AGBL1: variants seen among roughly 807,000 people sequenced by gnomAD.
The protein encoded by AGBL1 is cytosolic carboxypeptidase 4.
Under a neutral mutation model 118.9 loss-of-function variants are expected in AGBL1, and 130 were observed. The ratio of observed to expected loss-of-function variants is 1.09; its 90% CI spans 0.95 to 1.26. AGBL1 has a LOEUF of 1.26. AGBL1 is among the 50% of genes most tolerant of loss of function. The probability of loss-of-function intolerance (pLI) is 0.00; values close to 1 mark genes in which losing one functional copy is unlikely to be tolerated. For missense variants in AGBL1, 1,584 were observed against 1,298.1 expected (o/e 1.22, Z -3.38); for synonymous variants, 555 against 478.9 (o/e 1.16, Z -2.08).
chr15:86,857,732 G>A (rs1011881607), intron 22 of AGBL1, among the ~76,000 whole-genome samples: 1 of 152,150 alleles, frequency 6.6e-6, no homozygotes, highest in Non-Finnish European at 1.5e-5. Flanking sequence ...GGGCAAGGAC[G>A]GTGTCCGTCT....
intron 7 of AGBL1, among the ~76,000 whole-genome samples, chr15:86,256,035 G>T (rs1388239981): frequency 6.6e-6 from 1 of 152,102 alleles, no homozygotes; most frequent in Non-Finnish European, 1.5e-5. Flanking sequence ...ATAGCAAACT[G>T]GGGGACCCCA....
intron 23 of AGBL1, among the ~76,000 whole-genome samples, chr15:86,923,541 ATGAACGC>A (rs1315860227): frequency 3.3e-5 from 5 of 152,164 alleles, no homozygotes; most frequent in African/African-American, 1.2e-4. Flanking sequence ...GCTTCTATCC[ATGAACGC>A]TTAAAGCATT....
intron 2 of AGBL1, among the ~76,000 whole-genome samples, chr15:86,142,623 C>T (rs149139698): frequency 6.6e-6 from 1 of 152,318 alleles, no homozygotes; most frequent in Non-Finnish European, 1.5e-5. Context: ...AATATTAACA[C>T]TGAACAGGCA....
intron 22 of AGBL1, among the ~76,000 whole-genome samples, chr15:86,711,941 A>G (rs986334687): frequency 6.6e-6 from 1 of 152,108 alleles, no homozygotes; most frequent in African/African-American, 2.4e-5. Context: ...AGGTGCTTTC[A>G]TTTGCTCTCT....
intron 21 of AGBL1, among the ~76,000 whole-genome samples, chr15:86,605,213 A>G (rs2084558057): frequency 6.6e-6 from 1 of 152,178 alleles, no homozygotes; most frequent in Non-Finnish European, 1.5e-5. Context: ...TACAGCTAAC[A>G]TTCCTTCAGC....
At chr15:86,084,619 T>C (rs577107799) in intron 1 of AGBL1, among the ~76,000 whole-genome samples, 11 of 152,330 alleles carry the variant, frequency 7.2e-5, no homozygotes, top group Middle Eastern at 3.4e-3. Flanking sequence ...TTTGAGGATA[T>C]TACCTTCATC....
intron 5 of AGBL1, among the ~76,000 whole-genome samples, chr15:86,177,663 G>A (rs1290440463): frequency 6.6e-6 from 1 of 152,102 alleles, no homozygotes; most frequent in Non-Finnish European, 1.5e-5. Context: ...CCCAAAATTT[G>A]AAAATTAAAT....
chr15:86,716,711 C>A (rs1045332401), intron 22 of AGBL1, among the ~76,000 whole-genome samples: 7 of 152,210 alleles, frequency 4.6e-5, no homozygotes, highest in African/African-American at 1.7e-4. Flanking sequence ...TAGATGTCAA[C>A]TATCCCAAAG....
At chr15:86,168,623 G>C (rs72750300) in intron 5 of AGBL1, among the ~76,000 whole-genome samples, 1 of 151,972 alleles carries the variant, frequency 6.6e-6, no homozygotes, top group Non-Finnish European at 1.5e-5. Context: ...ATATTATGAA[G>C]CAACACACAA....
chr15:86,084,776 T>G (rs1295965366), intron 1 of AGBL1, among the ~76,000 whole-genome samples: 1 of 152,206 alleles, frequency 6.6e-6, no homozygotes, highest in Non-Finnish European at 1.5e-5. Context: ...TTGGGTCAAC[T>G]GGATGTTTTC....
chr15:86,970,373 G>T (rs1292790289), intron 23 of AGBL1, among the ~76,000 whole-genome samples: 1 of 151,898 alleles, frequency 6.6e-6, no homozygotes, highest in African/African-American at 2.4e-5. Flanking sequence ...TTTATGAATT[G>T]CCAATTGTAT....
At chr15:86,976,568 G>C (rs1223177422) in intron 23 of AGBL1, among the ~76,000 whole-genome samples, 1 of 151,844 alleles carries the variant, frequency 6.6e-6, no homozygotes, top group Admixed American at 6.6e-5. Context: ...TCTAAATGTG[G>C]CATTACTGAG....
chr15:86,457,586 G>A (rs1316800076), intron 18 of AGBL1, among the ~76,000 whole-genome samples: 2 of 152,154 alleles, frequency 1.3e-5, no homozygotes, highest in African/African-American at 2.4e-5. Flanking sequence ...TGTCCCCACT[G>A]TGCTTTAAGC....
intron 22 of AGBL1, among the ~76,000 whole-genome samples, chr15:86,703,780 A>T (rs1242680887): frequency 6.6e-6 from 1 of 152,112 alleles, no homozygotes; most frequent in African/African-American, 2.4e-5. Flanking sequence ...CTTCCCCTAC[A>T]CCTTCCACCA....
rs540051810 is a variant in AGBL1 at position 86,331,599 on chromosome 15, GACTTCAC to G, written c.2374+36193_2374+36199del. On this transcript the variant is annotated intron_variant, in intron 17 of 22. Transcript: ENST00000614907. ...AGGGAACCCTATCAAGCTAACAGCA[GACTTCAC>G]AGCAGAAACTTTACAAGCCAGCAGA... Among the ~76,000 whole-genome samples, 121 of 152,342 alleles carry G rather than the reference GACTTCAC, an allele frequency of 7.9e-4. 2 individuals are homozygous for G. In the South Asian group the frequency reaches 0.023, roughly 29 times the overall value.
chr15:86,481,692 T>G (rs988534006), intron 18 of AGBL1, among the ~76,000 whole-genome samples: 11 of 152,148 alleles, frequency 7.2e-5, no homozygotes, highest in Non-Finnish European at 1.2e-4. Context: ...TCAGTATTAA[T>G]TCCTATAATG....
intron 22 of AGBL1, among the ~76,000 whole-genome samples, chr15:86,831,183 T>C (rs777560671): frequency 6.6e-6 from 1 of 152,146 alleles, no homozygotes; most frequent in Non-Finnish European, 1.5e-5. Flanking sequence ...GTTCCTCCCA[T>C]GACACATGAG....
At chr15:86,577,049 G>C (rs2142323341) in intron 21 of AGBL1, among the ~76,000 whole-genome samples, 1 of 152,304 alleles carries the variant, frequency 6.6e-6, no homozygotes, top group East Asian at 1.9e-4. Flanking sequence ...AGTGACTTTG[G>C]AACTGGGTAA....
chr15:86,357,561 T>C (rs937488480), intron 17 of AGBL1, among the ~76,000 whole-genome samples: 7 of 152,200 alleles, frequency 4.6e-5, no homozygotes, highest in African/African-American at 1.7e-4. Flanking sequence ...AAGGGCCTTG[T>C]GGTTAGCAAA....
Sources: gnomAD v4.1 joint callset for allele counts (sites outside exome capture counted in the v4.1 genomes callset) on GRCh38, gnomAD v4.1.1 for gene constraint, MANE v1.5 for transcripts, NCBI Gene and HGNC (gene_info 2026-07-23, HGNC 2026-07-21) for gene names.